Variants in FRMD4B observed in about 807,000 individuals in gnomAD.
FRMD4B encodes FERM domain containing 4B.
A neutral mutation model predicts 141.5 loss-of-function variants in FRMD4B; 74 were observed. That is an observed-to-expected ratio of 0.52 (90% CI 0.43 to 0.63). FRMD4B has a LOEUF of 0.63. Ranked by LOEUF, FRMD4B falls within the 30% of genes least tolerant of loss-of-function variation. The pLI is 0.00. For synonymous variants in FRMD4B, 506 were observed against 467.9 expected (o/e 1.08, Z -1.05); for missense variants, 1,366 against 1,253.4 (o/e 1.09, Z -1.36).
intron 1 of FRMD4B, among the ~76,000 whole-genome samples, chr3:69,359,631 C>T (rs907148943): frequency 2.6e-5 from 4 of 151,992 alleles, no homozygotes; most frequent in Admixed American, 6.6e-5. Flanking sequence ...TTGTGCTCGG[C>T]GAATTTTCTT....
intron 5 of FRMD4B, among the ~76,000 whole-genome samples, chr3:69,261,093 A>G (rs2093524307): frequency 6.6e-6 from 1 of 152,192 alleles, no homozygotes; most frequent in African/African-American, 2.4e-5. Flanking sequence ...GTCACTTTTC[A>G]CACTGTGGAA....
intron 1 of FRMD4B, among the ~76,000 whole-genome samples, chr3:69,356,588 C>T (rs1290182805): frequency 6.7e-6 from 1 of 149,516 alleles, no homozygotes; most frequent in Non-Finnish European, 1.5e-5. Context: ...TATATATATA[C>T]ACACACACAT....
At chr3:69,406,057 T>C (rs982431780) in intron 2 of FRMD4B, among the ~76,000 whole-genome samples, 9 of 152,218 alleles carry the variant, frequency 5.9e-5, no homozygotes, top group Non-Finnish European at 1.3e-4. Flanking sequence ...ACCACATTAT[T>C]AATTTTACTG....
chr3:69,250,171 A>T, intron 5 of FRMD4B, 72 bp from the exon 6 acceptor site: 1 of 1,050,114 alleles, frequency 9.5e-7, no homozygotes. Context: ...TCTGAAGTTG[A>T]GGAAGCTGTC....
At chr3:69,262,893 A>AT (rs1464012940) in intron 5 of FRMD4B, among the ~76,000 whole-genome samples, 163 of 152,354 alleles carry the variant, frequency 1.1e-3, no homozygotes, top group African/African-American at 3.6e-3. Context: ...CAGCCAGACA[A>AT]TAAAAGAATA....
intron 1 of FRMD4B, among the ~76,000 whole-genome samples, chr3:69,530,625 G>A (rs1017175276): frequency 2.0e-5 from 3 of 151,484 alleles, no homozygotes; most frequent in Non-Finnish European, 2.9e-5. Context: ...GAACTAAGAC[G>A]TTTAGTATCT....
In FRMD4B at chr3:69,183,704, G is replaced by C. The variant is rs570383592; in HGVS notation, c.1920-987C>G. On this transcript the variant is annotated intron_variant, in intron 19 of 22. Coordinates refer to ENST00000398540, the MANE Select transcript of FRMD4B (RefSeq NM_015123.3). The stretch of plus-strand genomic sequence containing the variant: ...TCACCTTGTTAGCCAGGATGGTCTC[G>C]ATCTCCTGACCTTGTGATCCGCCCA... Among the ~76,000 whole-genome samples, 14 of 151,950 alleles carry C rather than the reference G, an allele frequency of 9.2e-5. No individual in the cohort carries two copies. In the East Asian group the frequency reaches 2.3e-3, roughly 25 times the overall value.
chr3:69,473,098 T>A (rs1165030847), intron 1 of FRMD4B, among the ~76,000 whole-genome samples: 2 of 152,070 alleles, frequency 1.3e-5, no homozygotes, highest in Non-Finnish European at 2.9e-5. Flanking sequence ...AGAAAGGATG[T>A]TCCCCAAAGG....
intron 9 of FRMD4B, among the ~76,000 whole-genome samples, chr3:69,218,676 T>C (rs1035439381): frequency 6.6e-6 from 1 of 152,236 alleles, no homozygotes; most frequent in South Asian, 2.1e-4. Context: ...CATTTGCAAG[T>C]ATTTTTTAAA....
intron 3 of FRMD4B, among the ~76,000 whole-genome samples, chr3:69,306,054 T>C (rs574122976): frequency 6.6e-6 from 1 of 152,200 alleles, no homozygotes; most frequent in Non-Finnish European, 1.5e-5. Context: ...GCATATATTA[T>C]AAGAAATAGT....
At chr3:69,420,533 C>T (rs886097135) in intron 2 of FRMD4B, among the ~76,000 whole-genome samples, 3 of 152,044 alleles carry the variant, frequency 2.0e-5, no homozygotes, top group East Asian at 1.9e-4. Flanking sequence ...AATGTGTCTC[C>T]GGAGTCACTA....
In FRMD4B at chr3:69,189,930, A is replaced by G; in HGVS notation, c.1737T>C (p.Ser579=). The G allele has an allele frequency of 3.1e-6, 5 of 1,600,094 alleles. No homozygotes were observed. The highest frequency in any genetic ancestry group is 4.3e-6 in the Non-Finnish European group (5 of 1,167,652). The change falls in exon 18 of 23, where the codon AGT becomes AGC. Residue 579 remains serine, a synonymous_variant. Coordinates refer to ENST00000398540, the MANE Select transcript of FRMD4B (RefSeq NM_015123.3). ...VLPEDIIPSE[S]SSLSDTTTYD... is the part of the protein sequence containing the mutation. ...AGGTGGTGGTGTCAGACAAAGAGCT[A>G]CTCTCTGAGGGGATTATGTCTTCTG...
intron 1 of FRMD4B, among the ~76,000 whole-genome samples, chr3:69,492,917 T>C (rs542519871): frequency 3.1e-4 from 47 of 152,350 alleles, no homozygotes; most frequent in Admixed American, 9.8e-4. Flanking sequence ...ATATACTCTA[T>C]ATTTTATGTA....
intron 5 of FRMD4B, among the ~76,000 whole-genome samples, chr3:69,251,493 T>G (rs2093463309): frequency 6.6e-6 from 1 of 152,324 alleles, no homozygotes; most frequent in East Asian, 1.9e-4. Flanking sequence ...TAAAATAAAA[T>G]GAACAAATAA....
At chr3:69,217,551 G>T (rs960459281) in intron 10 of FRMD4B, among the ~76,000 whole-genome samples, 6 of 152,174 alleles carry the variant, frequency 3.9e-5, no homozygotes, top group Non-Finnish European at 7.3e-5. Flanking sequence ...AAACCCGGGA[G>T]GCAGAGGTTG....
chr3:69,320,470 G>C lies in FRMD4B; in HGVS notation c.163-6953C>G, dbSNP rs147390052. 1.6e-4 allele frequency among the ~76,000 whole-genome samples: 24 copies of C among 152,244 alleles called. No homozygotes were observed. The East Asian group carries it at 4.6e-3, about 29-fold the overall frequency. The stretch of plus-strand genomic sequence containing the variant: ...TAGCCGGGCATTGTGGTGTGTGCCT[G>C]TAGTCCCAGCTACTCGGGAAGCTGA... On this transcript the variant is annotated intron_variant, in intron 1 of 22. Transcript: ENST00000398540.
At chr3:69,542,192 G>C (rs1392877661) in intron 1 of FRMD4B, 2 of 152,016 alleles carry the variant, frequency 1.3e-5, no homozygotes, top group African/African-American at 2.4e-5. Context: ...AGCCCGGGGC[G>C]GTCGCCCACC....
At chr3:69,176,756 G>A (rs2107575339) in intron 21 of FRMD4B, 100 bp from the exon 22 acceptor site, 1 of 761,460 alleles carries the variant, frequency 1.3e-6, no homozygotes, top group African/African-American at 1.7e-5. Flanking sequence ...TTTGTCAGAG[G>A]AGAAATTTAA....
intron 2 of FRMD4B, among the ~76,000 whole-genome samples, chr3:69,426,215 G>A (rs1705074791): frequency 6.6e-6 from 1 of 152,196 alleles, no homozygotes; most frequent in African/African-American, 2.4e-5. Context: ...TTTAAATCAG[G>A]TGTTGCACCC....
Sources: gnomAD v4.1 joint callset for allele counts (sites outside exome capture counted in the v4.1 genomes callset) on GRCh38, gnomAD v4.1.1 for gene constraint, MANE v1.5 for transcripts, NCBI Gene and HGNC (gene_info 2026-07-23, HGNC 2026-07-21) for gene names.